GRIK2: variants seen among roughly 807,000 people sequenced by gnomAD.
GRIK2 encodes glutamate ionotropic receptor kainate type subunit 2.
Under a neutral mutation model 100.3 loss-of-function variants are expected in GRIK2, and 32 were observed. That is an observed-to-expected ratio of 0.32 (90% CI 0.24 to 0.43). GRIK2 has a LOEUF of 0.43. GRIK2 is among the 20% of genes least tolerant of loss of function. GRIK2 has a pLI of 1.00. For missense variants in GRIK2, 843 were observed against 1,114.9 expected (o/e 0.76, Z 3.47); for synonymous variants, 417 against 389.4 (o/e 1.07, Z -0.83).
At chr6:101,869,363 T>G (rs1347957978) in intron 11 of GRIK2, among the ~76,000 whole-genome samples, 2 of 151,956 alleles carry the variant, frequency 1.3e-5, no homozygotes, top group East Asian at 3.9e-4. Context: ...GGTATGCTAA[T>G]ATGTAATTAC....
intron 2 of GRIK2, among the ~76,000 whole-genome samples, chr6:101,458,610 G>A (rs1771132449): frequency 6.6e-6 from 1 of 152,146 alleles, no homozygotes; most frequent in Non-Finnish European, 1.5e-5. Context: ...CTGGGGTCAG[G>A]ATCTTTTCCA....
intron 14 of GRIK2, among the ~76,000 whole-genome samples, chr6:101,959,859 A>G (rs1206734133): frequency 6.6e-6 from 1 of 152,076 alleles, no homozygotes; most frequent in African/African-American, 2.4e-5. Context: ...CTTGTAAAGT[A>G]TGTTCCAAGT....
Position 102,005,651 on chromosome 6 carries a change from G to A in GRIK2, c.2086-29690G>A, listed in dbSNP as rs368046598. Among the ~76,000 whole-genome samples, 9 of 151,980 alleles carry A rather than the reference G, an allele frequency of 5.9e-5. 1 individual carries two copies. The highest frequency in any genetic ancestry group is 2.2e-4 in the African/African-American group (9 of 41,454). On this transcript the variant is annotated intron_variant, in intron 14 of 16. Transcript: ENST00000369134. The stretch of plus-strand genomic sequence containing the variant: ...TAATTTTTTCATTGAATCATTGTTT[G>A]GAATGCTTAAAGCATAACATTTAGT...
At chr6:101,418,751 A>T (rs151040797) in intron 2 of GRIK2, among the ~76,000 whole-genome samples, 500 of 152,264 alleles carry the variant, frequency 3.3e-3, no homozygotes, top group Non-Finnish European at 4.2e-3. Context: ...AGAAGGGTCA[A>T]TTCTCTCAAC....
At chr6:101,583,223 G>T (rs1464218663) in intron 2 of GRIK2, among the ~76,000 whole-genome samples, 1 of 152,108 alleles carries the variant, frequency 6.6e-6, no homozygotes, top group East Asian at 1.9e-4. Context: ...AGGGGAGTCG[G>T]CTGGTGGAGG....
At chr6:101,811,012 C>T (rs1208896448) in intron 9 of GRIK2, among the ~76,000 whole-genome samples, 2 of 152,064 alleles carry the variant, frequency 1.3e-5, no homozygotes, top group African/African-American at 4.8e-5. Flanking sequence ...TAATATAAAT[C>T]TCTTTCTTAT....
chr6:101,594,758 T>C (rs1778830004), intron 2 of GRIK2, among the ~76,000 whole-genome samples: 1 of 151,640 alleles, frequency 6.6e-6, no homozygotes, highest in Non-Finnish European at 1.5e-5. Context: ...GGTAACAAAG[T>C]GGAGGCAGTG....
chr6:101,972,900 T>G (rs957401503), intron 14 of GRIK2, among the ~76,000 whole-genome samples: 3 of 151,992 alleles, frequency 2.0e-5, no homozygotes, highest in Non-Finnish European at 4.4e-5. Context: ...GTTCCATTGA[T>G]CTATGTGTCT....
chr6:102,065,949 A>G (rs747111714), intron 16 of GRIK2: 69 of 1,291,760 alleles, frequency 5.3e-5, no homozygotes, highest in Non-Finnish European at 6.2e-5. Flanking sequence ...AGCAACAAGA[A>G]ACACTGTTTC....
chr6:102,055,026 A>G (rs72952226), intron 15 of GRIK2, among the ~76,000 whole-genome samples: 148 of 152,248 alleles, frequency 9.7e-4, no homozygotes, highest in Admixed American at 1.7e-3. Context: ...TTTGCACTCT[A>G]TCCGTTTTCC....
At chr6:101,885,792 T>G (rs1786569601) in intron 11 of GRIK2, among the ~76,000 whole-genome samples, 1 of 152,102 alleles carries the variant, frequency 6.6e-6, no homozygotes, top group Non-Finnish European at 1.5e-5. Flanking sequence ...AGATGAATTG[T>G]GCAGAAAGTA....
At chr6:101,481,749 A>T (rs890679063) in intron 2 of GRIK2, among the ~76,000 whole-genome samples, 4 of 152,100 alleles carry the variant, frequency 2.6e-5, no homozygotes, top group African/African-American at 9.7e-5. Flanking sequence ...TCAGTGAGTG[A>T]TATGGTTTGG....
At chr6:101,914,167 A>G (rs1788942355) in intron 12 of GRIK2, among the ~76,000 whole-genome samples, 1 of 151,372 alleles carries the variant, frequency 6.6e-6, no homozygotes, top group Admixed American at 6.6e-5. Flanking sequence ...AAAATAGGCA[A>G]TAAACTTTGG....
intron 7 of GRIK2, among the ~76,000 whole-genome samples, chr6:101,695,968 GC>G (rs1316260199): frequency 6.6e-6 from 1 of 151,894 alleles, no homozygotes; most frequent in Non-Finnish European, 1.5e-5. Flanking sequence ...TTTGCATATG[GC>G]TTTTGCAACA....
At chr6:101,739,255 C>T (rs1583051765) in intron 7 of GRIK2, among the ~76,000 whole-genome samples, 1 of 152,168 alleles carries the variant, frequency 6.6e-6, no homozygotes, top group Admixed American at 6.6e-5. Flanking sequence ...CTGGAGAACA[C>T]GAACATCAAT....
intron 14 of GRIK2, among the ~76,000 whole-genome samples, chr6:101,963,509 C>CTTTTTTTTTTTTTTTTTTTTTTTT (rs770178884): frequency 1.3e-4 from 14 of 106,108 alleles, no homozygotes; most frequent in African/African-American, 4.2e-4. Flanking sequence ...TTCTTTCTTT[C>CTTTTTTTTTTTTTTTTTTTTTTTT]TTTTTTTTTT....
chr6:101,911,393 A>G (rs775880580), intron 12 of GRIK2, among the ~76,000 whole-genome samples: 6 of 151,580 alleles, frequency 4.0e-5, no homozygotes, highest in Non-Finnish European at 7.4e-5. Flanking sequence ...GAATATTATT[A>G]TTTATAGTTT....
intron 2 of GRIK2, among the ~76,000 whole-genome samples, chr6:101,544,161 C>A (rs543594025): frequency 2.0e-4 from 31 of 152,116 alleles, no homozygotes; most frequent in Non-Finnish European, 3.4e-4. Flanking sequence ...CTTTTTATAT[C>A]CCCTCCATCC....
chr6:101,614,323 A>C (rs1313143426), intron 2 of GRIK2, among the ~76,000 whole-genome samples: 1 of 151,756 alleles, frequency 6.6e-6, no homozygotes, highest in Admixed American at 6.6e-5. Flanking sequence ...ATTTTTAAAC[A>C]TACAGAAAAG....
Sources: allele counts gnomAD v4.1 joint callset (sites outside exome capture counted in the v4.1 genomes callset), GRCh38; gene constraint gnomAD v4.1.1; transcripts MANE v1.5; gene names NCBI Gene and HGNC (gene_info 2026-07-23, HGNC 2026-07-21).